MYO6: variants seen among roughly 807,000 people sequenced by gnomAD.
The protein encoded by MYO6 is unconventional myosin-VI.
A neutral mutation model predicts 178.7 loss-of-function variants in MYO6; 74 were observed. The observed-to-expected ratio is 0.41, with a 90% CI of 0.34 to 0.50. The LOEUF (loss-of-function observed/expected upper bound fraction) is 0.50, where lower values mean the gene tolerates loss of function less well. Ranked by LOEUF, MYO6 falls within the 20% of genes least tolerant of loss-of-function variation. MYO6 has a pLI of 0.09. For missense variants in MYO6, 1,330 were observed against 1,547.4 expected, an observed-to-expected ratio of 0.86 and a Z score of 2.36; for synonymous variants, 477 against 504.6, an observed-to-expected ratio of 0.95 and a Z score of 0.73.
At chr6:75,789,211 C>T (rs971552546) in intron 1 of MYO6, among the ~76,000 whole-genome samples, 1 of 151,816 alleles carries the variant, frequency 6.6e-6, no homozygotes, top group Non-Finnish European at 1.5e-5. Context: ...CTAAGGTACA[C>T]AATTAATATT....
chr6:75,803,541 G>A (rs570752608), intron 1 of MYO6, among the ~76,000 whole-genome samples: 29 of 152,028 alleles, frequency 1.9e-4, no homozygotes, highest in African/African-American at 4.8e-4. Context: ...GTTGATCTGC[G>A]TATTTTGTCA....
intron 18 of MYO6, among the ~76,000 whole-genome samples, chr6:75,869,225 G>A (rs552561181): frequency 6.6e-6 from 1 of 152,098 alleles, no homozygotes; most frequent in Admixed American, 6.5e-5. Context: ...TCAGAACTCT[G>A]TCAGTGAGAT....
intron 31 of MYO6, 137 bp from the exon 32 acceptor site, chr6:75,908,359 T>C (rs563634080): frequency 1.3e-6 from 1 of 764,924 alleles, no homozygotes; most frequent in South Asian, 1.8e-5. Context: ...TCCTTATGAA[T>C]AATTAGCTTA....
At chr6:75,877,004 C>T (rs190504591) in intron 20 of MYO6, among the ~76,000 whole-genome samples, 57 of 151,522 alleles carry the variant, frequency 3.8e-4, no homozygotes, top group African/African-American at 1.3e-3. Flanking sequence ...GACGGAGTTT[C>T]GCTCTTGTTG....
intron 16 of MYO6, among the ~76,000 whole-genome samples, chr6:75,865,769 A>G (rs1490109443): frequency 1.3e-5 from 2 of 152,190 alleles, no homozygotes; most frequent in East Asian, 3.8e-4. Context: ...TATTATGATT[A>G]AATGGTACAA....
At chr6:75,880,540 G>A (rs1171093498) in intron 22 of MYO6, among the ~76,000 whole-genome samples, 1 of 152,128 alleles carries the variant, frequency 6.6e-6, no homozygotes, top group African/African-American at 2.4e-5. Flanking sequence ...AGTTTGTGTT[G>A]GGCCTCATTC....
At position 75,885,943 on chromosome 6, in the gene MYO6, T is replaced by A. The variant is rs575070633; in HGVS notation, c.2417-61T>A. The A allele has an allele frequency of 2.4e-4, 238 of 998,582 alleles. 6 individuals carry two copies. The highest frequency in any genetic ancestry group is 2.0e-3 in the South Asian group (139 of 67,974). The allele number at this position is 998,582 out of a possible 1,614,324, so 61.9% of individuals were successfully genotyped here. A position where few individuals can be genotyped will look rare whatever the true frequency, so the allele number is the denominator to read the frequency against. ...ATTACTTTGTGAAAATGAGTTTTTT[T>A]AATATATGTTAGATTTAAACTGAAT... is the stretch of plus-strand genomic sequence containing the variant. On this transcript the variant is annotated intron_variant, in intron 23 of 34. Coordinates refer to ENST00000369977, the MANE Select transcript of MYO6 (RefSeq NM_004999.4).
chr6:75,900,004 C>T (rs1427232544), intron 30 of MYO6, among the ~76,000 whole-genome samples: 15 of 150,176 alleles, frequency 1.0e-4, no homozygotes, highest in Admixed American at 1.3e-4. Flanking sequence ...TTTGTTCTTG[C>T]GATAGTTTAC....
intron 1 of MYO6, among the ~76,000 whole-genome samples, chr6:75,772,389 T>C (rs1292208415): frequency 6.6e-6 from 1 of 152,168 alleles, no homozygotes; most frequent in Non-Finnish European, 1.5e-5. Flanking sequence ...TTTGTAAGTC[T>C]GAATAGCCTA....
chr6:75,866,875 G>A, intron 17 of MYO6, 57 bp from the exon 18 acceptor site: 1 of 1,557,402 alleles, frequency 6.4e-7, no homozygotes, highest in Non-Finnish European at 8.9e-7. Flanking sequence ...ACAGAGCCAT[G>A]TTAAGTGATG....
chr6:75,890,226 A>G lies in MYO6; in HGVS notation c.2828A>G (p.Asp943Gly). Reference sequence around the variant, plus strand: ...AAGGAAAGAAAAAGACGTGAAGAAGACGAAAAACGTCGAAGAAAGGAAGAG... The same window carrying G: ...AAGGAAAGAAAAAGACGTGAAGAAGGCGAAAAACGTCGAAGAAAGGAAGAG... Reference protein sequence around the residue: ...MEKERKRREEDEKRRRKEEEE... With the variant: ...MEKERKRREEGEKRRRKEEEE... Residue 943 changes from aspartate to glycine, a missense_variant, in exon 26 of 35, where the codon GAC becomes GGC. Asp to Gly is a moderately conservative substitution (Grantham distance 94). Transcript: ENST00000369977. 2 of 1,612,558 alleles carry G rather than the reference A, an allele frequency of 1.2e-6. No individual in the cohort carries two copies. The highest frequency in any genetic ancestry group is 1.7e-6 in the Non-Finnish European group (2 of 1,178,582).
chr6:75,789,388 C>T (rs1358249150), intron 1 of MYO6, among the ~76,000 whole-genome samples: 1 of 152,158 alleles, frequency 6.6e-6, no homozygotes. Flanking sequence ...ACATATTATT[C>T]ACTGTATGTC....
At chr6:75,800,542 T>C (rs1163914780) in intron 1 of MYO6, among the ~76,000 whole-genome samples, 1 of 152,088 alleles carries the variant, frequency 6.6e-6, no homozygotes, top group African/African-American at 2.4e-5. Flanking sequence ...AAAGAAATTG[T>C]CATTTAATAA....
At chr6:75,866,742 A>G (rs1376773226) in intron 17 of MYO6, 121 bp downstream of exon 17, 1 of 1,137,088 alleles carries the variant, frequency 8.8e-7, no homozygotes, top group Non-Finnish European at 1.3e-6. Flanking sequence ...AAGTAAAATT[A>G]CAAGTTCAAT....
intron 22 of MYO6, 80 bp downstream of exon 22, chr6:75,880,200 A>C: frequency 9.7e-7 from 1 of 1,031,716 alleles, no homozygotes; most frequent in Non-Finnish European, 1.5e-6. Context: ...AAAGTATTTA[A>C]TAATTTGTAT....
At chr6:75,910,155 A>G (rs1336547286) in intron 32 of MYO6, among the ~76,000 whole-genome samples, 1 of 152,128 alleles carries the variant, frequency 6.6e-6, no homozygotes, top group East Asian at 1.9e-4. Context: ...CAACAAAATG[A>G]TTACATTAGC....
chr6:75,786,056 C>G (rs138060418), intron 1 of MYO6, among the ~76,000 whole-genome samples: 2,453 of 152,054 alleles, frequency 0.016, 65 homozygotes, highest in African/African-American at 0.057. Flanking sequence ...GCTGGGATTA[C>G]AGGCACCTGC....
At chr6:75,888,485 A>G (rs913176741) in intron 25 of MYO6, among the ~76,000 whole-genome samples, 2 of 151,794 alleles carry the variant, frequency 1.3e-5, no homozygotes, top group Non-Finnish European at 2.9e-5. Context: ...GCATGGTGGT[A>G]TGAGCCTGAG....
intron 14 of MYO6, 85 bp downstream of exon 14, chr6:75,859,078 T>A: frequency 1.1e-6 from 1 of 895,304 alleles, no homozygotes; most frequent in Non-Finnish European, 1.8e-6. Context: ...TTACCCTGAT[T>A]GGTGTGGATG....
Sources: gnomAD v4.1 joint callset for allele counts (sites outside exome capture counted in the v4.1 genomes callset) on GRCh38, gnomAD v4.1.1 for gene constraint, MANE v1.5 for transcripts, NCBI Gene and HGNC (gene_info 2026-07-23, HGNC 2026-07-21) for gene names.